SULF1: variants seen among roughly 807,000 people sequenced by gnomAD.
SULF1 encodes sulfatase 1, also known as extracellular sulfatase Sulf-1.
In SULF1, 46 loss-of-function variants were observed where a neutral mutation model predicts 110.5. That is an observed-to-expected ratio of 0.42 (90% CI 0.33 to 0.53). The LOEUF (loss-of-function observed/expected upper bound fraction) is 0.53. SULF1 is among the 20% of genes least tolerant of loss of function. SULF1 has a pLI of 0.12. For missense variants in SULF1, 941 were observed against 1,094.2 expected (o/e 0.86, Z 1.98); for synonymous variants, 371 against 387.1 (o/e 0.96, Z 0.49).
At position 69,658,539 on chromosome 8, in the gene SULF1, G is replaced by C; in HGVS notation, c.*4G>C. 6.2e-7 allele frequency: 1 copy of C among 1,611,062 alleles called. No individual in the cohort carries two copies. On this transcript the variant is annotated 3_prime_UTR_variant, in exon 23 of 23. Transcript: ENST00000402687. ...ATGGGATGGATGGGAAGGTTAATCAGCCCCGTCTCACTGCAGACATCAACT... is the reference window on the plus strand; with the variant it reads ...ATGGGATGGATGGGAAGGTTAATCACCCCCGTCTCACTGCAGACATCAACT...
At chr8:69,529,311 C>T (rs1456386299) in intron 3 of SULF1, among the ~76,000 whole-genome samples, 1 of 152,130 alleles carries the variant, frequency 6.6e-6, no homozygotes, top group East Asian at 1.9e-4. Flanking sequence ...TGATGTAGCT[C>T]CTAAATTTCA....
At position 69,564,100 on chromosome 8, in the gene SULF1, G is replaced by A. The variant is rs771165384; in HGVS notation, c.125G>A (p.Arg42Gln). ...ATACAGCAGGAACGAAAAAACATCC[G>A]ACCCAACATTATTCTTGTGCTTACC... Reference protein sequence around the residue: ...GRIQQERKNIRPNIILVLTDD... With the variant: ...GRIQQERKNIQPNIILVLTDD... The change falls in exon 5 of 23, where the codon CGA becomes CAA. Residue 42 changes from arginine (R) to glutamine (Q), a missense_variant. Physicochemically the swap from Arg to Gln is conservative, Grantham distance 43. Transcript: ENST00000402687. 9.9e-6 allele frequency: 16 copies of A among 1,613,992 alleles called. No homozygotes were observed. The highest frequency in any genetic ancestry group is 1.6e-4 in the Middle Eastern group (1 of 6,084).
rs1586413455 is a variant in SULF1, at chr8:69,563,983, A to G, written c.8A>G (p.Tyr3Cys). The change falls in exon 5 of 23, where the codon TAT becomes TGT. Residue 3 changes from tyrosine (Y) to cysteine (C), a missense_variant. Around this residue, in one of 3 missense-constraint regions of SULF1, gnomAD observed 822 missense variants for 934.3 expected, o/e 0.88. Transcript: ENST00000402687. ...AACATTGGACCAAATACAATGAAGTATTCTTGCTGTGCTCTGGTTTTGGCT... is the reference window on the plus strand; with the variant it reads ...AACATTGGACCAAATACAATGAAGTGTTCTTGCTGTGCTCTGGTTTTGGCT... MK[Y>C]SCCALVLAVL... The G allele has an allele frequency of 6.2e-7, 1 of 1,614,172 alleles. No homozygotes were observed. The highest frequency in any genetic ancestry group is 8.5e-7 in the Non-Finnish European group (1 of 1,180,022).
intron 22 of SULF1, among the ~76,000 whole-genome samples, chr8:69,653,070 C>G (rs1812469409): frequency 1.3e-5 from 2 of 152,120 alleles, no homozygotes; most frequent in South Asian, 4.1e-4. Context: ...AAAGTAGTCT[C>G]TTGTTTTTAT....
At chr8:69,495,054 A>G (rs1810242028) in intron 1 of SULF1, among the ~76,000 whole-genome samples, 1 of 152,132 alleles carries the variant, frequency 6.6e-6, no homozygotes, top group Admixed American at 6.6e-5. Flanking sequence ...AAACTTTTAT[A>G]ATATTAGTTT....
At chr8:69,640,609 A>G (rs1404205571) in intron 21 of SULF1, among the ~76,000 whole-genome samples, 199 bp from the exon 22 acceptor site, 2 of 147,966 alleles carry the variant, frequency 1.4e-5, no homozygotes. Context: ...TTTTTTTTTT[A>G]TCTTAAACCT....
chr8:69,477,566 A>G (rs1298194844), intron 1 of SULF1, among the ~76,000 whole-genome samples: 1 of 152,338 alleles, frequency 6.6e-6, no homozygotes, highest in East Asian at 1.9e-4. Flanking sequence ...AAGTCTGAAA[A>G]AATAATTAAG....
intron 6 of SULF1, among the ~76,000 whole-genome samples, chr8:69,578,294 A>T (rs928912206): frequency 6.6e-6 from 1 of 152,190 alleles, no homozygotes; most frequent in African/African-American, 2.4e-5. Context: ...TTACACCCAC[A>T]AGAATAAAGT....
intron 3 of SULF1, among the ~76,000 whole-genome samples, chr8:69,526,145 A>G (rs1812645720): frequency 6.6e-6 from 1 of 152,176 alleles, no homozygotes; most frequent in Non-Finnish European, 1.5e-5. Flanking sequence ...AGACCGTGCC[A>G]GCTTAAGGAC....
At chr8:69,549,761 G>A (rs1448421236) in intron 3 of SULF1, among the ~76,000 whole-genome samples, 1 of 152,144 alleles carries the variant, frequency 6.6e-6, no homozygotes, top group Admixed American at 6.5e-5. Context: ...CTTCTGCCTT[G>A]TCACCAAGGA....
At chr8:69,591,575 CAAAGAAAAGA>C in intron 8 of SULF1, among the ~76,000 whole-genome samples, 1 of 149,682 alleles carries the variant, frequency 6.7e-6, no homozygotes, top group African/African-American at 2.5e-5. Context: ...AAAAAAAAAA[CAAAGAAAAGA>C]AAAGAAAAAC....
intron 8 of SULF1, among the ~76,000 whole-genome samples, chr8:69,589,888 A>T (rs773300397): frequency 1.3e-5 from 2 of 152,220 alleles, no homozygotes; most frequent in Non-Finnish European, 2.9e-5. Flanking sequence ...TGCCATCAAT[A>T]TCCAGTCTTC....
At chr8:69,534,550 G>A (rs1478867802) in intron 3 of SULF1, among the ~76,000 whole-genome samples, 2 of 152,118 alleles carry the variant, frequency 1.3e-5, no homozygotes, top group African/African-American at 2.4e-5. Flanking sequence ...CTTCCAGGAA[G>A]GTAGGAATAT....
intron 5 of SULF1, among the ~76,000 whole-genome samples, chr8:69,571,433 A>G (rs1805224686): frequency 6.6e-6 from 1 of 152,300 alleles, no homozygotes; most frequent in African/African-American, 2.4e-5. Context: ...AAGCTGTGGC[A>G]AAATCCAAAT....
chr8:69,601,239 C>T (rs1807781070), intron 9 of SULF1, among the ~76,000 whole-genome samples: 1 of 152,194 alleles, frequency 6.6e-6, no homozygotes, highest in Admixed American at 6.5e-5. Context: ...ATAAGCCAAA[C>T]AAGACGTGCC....
At chr8:69,626,998 G>A (rs1041852736) in intron 15 of SULF1, among the ~76,000 whole-genome samples, 4 of 152,254 alleles carry the variant, frequency 2.6e-5, no homozygotes, top group African/African-American at 9.6e-5. Context: ...GAGAGCGAGC[G>A]AGGGCTGTGA....
intron 5 of SULF1, among the ~76,000 whole-genome samples, chr8:69,574,816 G>A (rs137971934): frequency 6.6e-6 from 1 of 152,170 alleles, no homozygotes; most frequent in Non-Finnish European, 1.5e-5. Flanking sequence ...ATTTTAGGGA[G>A]CTCTAATGAG....
At chr8:69,494,770 C>T (rs1376822516) in intron 1 of SULF1, among the ~76,000 whole-genome samples, 1 of 151,910 alleles carries the variant, frequency 6.6e-6, no homozygotes, top group Non-Finnish European at 1.5e-5. Flanking sequence ...GTCTTAGCTA[C>T]TCCGGTGACT....
At chr8:69,582,760 G>A (rs983962939) in intron 6 of SULF1, among the ~76,000 whole-genome samples, 7 of 152,074 alleles carry the variant, frequency 4.6e-5, no homozygotes, top group East Asian at 1.9e-4. Context: ...AGGAAAGCAC[G>A]GGGCTTGAGG....
Sources: gnomAD v4.1 joint callset for allele counts (sites outside exome capture counted in the v4.1 genomes callset) on GRCh38, gnomAD v4.1.1 for gene constraint, gnomAD v4.1.1 regional missense constraint, MANE v1.5 for transcripts, NCBI Gene and HGNC (gene_info 2026-07-23, HGNC 2026-07-21) for gene names.